The following CACNA1B variants were observed in gnomAD, a reference collection of about 807,000 sequenced individuals.
CACNA1B encodes the protein calcium voltage-gated channel subunit alpha1 B.
CACNA1B carries 70 observed loss-of-function variants against 247.2 expected under a neutral mutation model. The observed-to-expected ratio is 0.28, with a 90% CI of 0.23 to 0.35. CACNA1B has a LOEUF of 0.35. Among genes scored for constraint, CACNA1B ranks in the 10% least tolerant of loss-of-function variants. The pLI is 1.00. For synonymous variants in CACNA1B, 1,231 were observed against 1,294.4 expected (o/e 0.95, Z 1.05); for missense variants, 2,367 against 3,197.4 (o/e 0.74, Z 6.26).
intron 35 of CACNA1B, among the ~76,000 whole-genome samples, chr9:138,077,224 C>G (rs936250): frequency 0.25 from 37,615 of 152,120 alleles, 4,928 homozygotes; most frequent in East Asian, 0.46. Context: ...CCTGGGGCTG[C>G]GCACACAGAC....
intron 20 of CACNA1B, among the ~76,000 whole-genome samples, chr9:138,036,355 G>A (rs576748190): frequency 6.6e-6 from 1 of 152,216 alleles, no homozygotes; most frequent in Admixed American, 6.5e-5. Context: ...TAGCCAAGAT[G>A]GTCTCGATCT....
chr9:138,004,316 G>T (rs537706775), intron 15 of CACNA1B, among the ~76,000 whole-genome samples: 22 of 152,172 alleles, frequency 1.4e-4, no homozygotes, highest in South Asian at 6.2e-4. Context: ...GGAGGCTGAG[G>T]GGGGGCTGAT....
chr9:138,043,968 C>T (rs1959164919), intron 21 of CACNA1B, 68 bp downstream of exon 21: 1 of 1,569,690 alleles, frequency 6.4e-7, no homozygotes, highest in East Asian at 2.3e-5. Context: ...CGTGGGATCT[C>T]AGTAGCCAGC....
intron 12 of CACNA1B, among the ~76,000 whole-genome samples, chr9:137,982,552 A>G (rs1365675002): frequency 6.6e-6 from 1 of 152,246 alleles, no homozygotes; most frequent in East Asian, 1.9e-4. Flanking sequence ...ACTGGGTGGT[A>G]GGGATTACTG....
intron 3 of CACNA1B, among the ~76,000 whole-genome samples, chr9:137,897,984 T>C (rs1957191646): frequency 6.6e-6 from 1 of 152,238 alleles, no homozygotes. Context: ...TAAATTTCTT[T>C]AATTATTCTT....
rs1962094594 is a variant in CACNA1B at position 138,121,435 on chromosome 9, T to TTA, written c.6490-34_6490-33insTA. The TTA allele has an allele frequency of 4.8e-6, 6 of 1,249,662 alleles. No individual in the cohort carries two copies. The highest frequency in any genetic ancestry group is 1.8e-5 in the South Asian group (1 of 54,118). The allele number at this position is 1,249,662 out of a possible 1,614,324, so 77.4% of individuals were successfully genotyped here. A position where few individuals can be genotyped will look rare whatever the true frequency, so the allele number is the denominator to read the frequency against. Reference sequence around the variant, plus strand: ...GGTTCGGCTTTTTTTTTTTTTTTTTTACCTCTGATTTGTTCTGGTCCATTT... The same window carrying TTA: ...GGTTCGGCTTTTTTTTTTTTTTTTTTTAACCTCTGATTTGTTCTGGTCCATTT... On this transcript the variant is annotated intron_variant, in intron 46 of 46. Transcript: ENST00000371372. This position sits in a 1 kb window ranked among gnomAD's most constrained non-coding sequence, Gnocchi z 6.8.
chr9:138,084,718 G>A (rs569311466), intron 36 of CACNA1B, among the ~76,000 whole-genome samples: 4 of 151,240 alleles, frequency 2.6e-5, no homozygotes, highest in South Asian at 4.2e-4. Flanking sequence ...TTGGGAGGCC[G>A]AGGAGGGTGG....
At chr9:137,944,076 G>C (rs59338143) in intron 6 of CACNA1B, among the ~76,000 whole-genome samples, 1,649 of 152,154 alleles carry the variant, frequency 0.011, 36 homozygotes, top group African/African-American at 0.037. Context: ...GGTTTCCTTT[G>C]CGTGCTCTTT....
At chr9:138,119,508 G>A (rs1449127020) in intron 44 of CACNA1B, among the ~76,000 whole-genome samples, 1 of 152,200 alleles carries the variant, frequency 6.6e-6, no homozygotes, top group Non-Finnish European at 1.5e-5. Context: ...GGGCTGTGGA[G>A]CTGTGGATCT....
chr9:138,055,415 C>G (rs1191947572), intron 26 of CACNA1B, among the ~76,000 whole-genome samples: 3 of 152,116 alleles, frequency 2.0e-5, no homozygotes, highest in South Asian at 2.1e-4. Context: ...CAGGTGTGAG[C>G]CACTGTACCC....
In CACNA1B at chr9:137,913,194, C is replaced by T. The variant is rs199717108; in HGVS notation, c.545C>T (p.Ala182Val). 5.0e-6 allele frequency: 8 copies of T among 1,613,774 alleles called. No individual in the cohort carries two copies. The highest frequency in any genetic ancestry group is 6.8e-6 in the Non-Finnish European group (8 of 1,179,818). The change falls in exon 4 of 47, where the codon GCT becomes GTT. Residue 182 changes from alanine to valine, a missense_variant. This residue lies in a region of CACNA1B where 130 missense variants were observed against 338.7 expected (regional missense o/e 0.38). Transcript: ENST00000371372. The surrounding 1 kb of genome is among the most constrained non-coding windows in gnomAD (Gnocchi z 5.2). ...VVVLTGILAT[A>V]GTDFDLRTLR... ...GTTTCTGCCAGGATCCTTGCCACGG[C>T]TGGAACTGACTTCGACCTGCGAACA...
At chr9:138,043,473 C>G (rs745863414) in intron 20 of CACNA1B, among the ~76,000 whole-genome samples, 3 of 152,092 alleles carry the variant, frequency 2.0e-5, no homozygotes, top group African/African-American at 7.2e-5. Flanking sequence ...CTCAGCGCAT[C>G]GAGGCCCCTC....
In CACNA1B at chr9:138,073,959, G is replaced by C; in HGVS notation, c.4792-42G>C. ...CCGTAGCAGGAGGCCTGGGCGTGGTGGCTGGGAGGTGCCTGTAGCTGACCG... is the reference window on the plus strand; with the variant it reads ...CCGTAGCAGGAGGCCTGGGCGTGGTCGCTGGGAGGTGCCTGTAGCTGACCG... On this transcript the variant is annotated intron_variant, in intron 33 of 46. Coordinates refer to ENST00000371372, the MANE Select transcript of CACNA1B (RefSeq NM_000718.4). This position sits in a 1 kb window ranked among gnomAD's most constrained non-coding sequence, Gnocchi z 6.4. 1 of 1,555,294 alleles carries C rather than the reference G, an allele frequency of 6.4e-7. No individual in the cohort carries two copies.
At position 138,121,210 on chromosome 9, in the gene CACNA1B, T is replaced by C. The variant is rs1258627536; in HGVS notation, c.6490-259T>C. Among the ~76,000 whole-genome samples, 1 of 152,114 alleles carries C rather than the reference T, an allele frequency of 6.6e-6. No homozygotes were observed. Among genetic ancestry groups the C allele is most frequent in the Non-Finnish European group, 1.5e-5 (1 of 68,012 alleles). ...GACTGTGGTCGTTGGGCTTTTGTTCTGTCCTTTTCCCTGGCCCCAGCCTGT... is the reference window on the plus strand; with the variant it reads ...GACTGTGGTCGTTGGGCTTTTGTTCCGTCCTTTTCCCTGGCCCCAGCCTGT... On this transcript the variant is annotated intron_variant, in intron 46 of 46. Coordinates refer to ENST00000371372, the MANE Select transcript of CACNA1B (RefSeq NM_000718.4). This position sits in a 1 kb window ranked among gnomAD's most constrained non-coding sequence, Gnocchi z 6.8.
In CACNA1B at chr9:138,100,993, C is replaced by T; in HGVS notation, c.5223-1718C>T. 4.6e-6 allele frequency: 2 copies of T among 436,140 alleles called. No homozygotes were observed. The highest frequency in any genetic ancestry group is 4.8e-6 in the Non-Finnish European group (1 of 210,402). The allele number at this position is 436,140 out of a possible 1,614,324, so 27.0% of individuals were successfully genotyped here. On this transcript the variant is annotated intron_variant, in intron 37 of 46. Coordinates refer to ENST00000371372, the MANE Select transcript of CACNA1B (RefSeq NM_000718.4). The surrounding 1 kb of genome is among the most constrained non-coding windows in gnomAD (Gnocchi z 4.6). Reference sequence around the variant, plus strand: ...GCCACCTGTCCAGTGCACCCCTCACCTCCGCCGCCACGCCTGCGCGAGGTC... The same window carrying T: ...GCCACCTGTCCAGTGCACCCCTCACTTCCGCCGCCACGCCTGCGCGAGGTC...
rs763315639 is a variant in CACNA1B, at chr9:138,120,281, G to GCAC, written c.6161_6163dup (p.His2054dup). 59 of 1,580,526 alleles carry GCAC rather than the reference G, an allele frequency of 3.7e-5. 1 individual carries two copies. The highest frequency in any genetic ancestry group is 2.7e-4 in the African/African-American group (20 of 74,042). ...GCCCACCCCCTAGCCAGGCGTCGTCGCACCACCACCACCACCGCTGCCACC... is the reference window on the plus strand; with the variant it reads ...GCCCACCCCCTAGCCAGGCGTCGTCGCACCACCACCACCACCACCGCTGCCACC... On this transcript the variant is annotated inframe_insertion, in exon 45 of 47. Coordinates refer to ENST00000371372, the MANE Select transcript of CACNA1B (RefSeq NM_000718.4).
At chr9:137,893,734 G>A (rs1028851797) in intron 3 of CACNA1B, among the ~76,000 whole-genome samples, 2 of 152,166 alleles carry the variant, frequency 1.3e-5, no homozygotes, top group Non-Finnish European at 2.9e-5. Flanking sequence ...ATAGGCAGTT[G>A]TAATAAATGG....
chr9:137,918,256 G>A (rs189461329), intron 6 of CACNA1B, among the ~76,000 whole-genome samples: 4 of 152,096 alleles, frequency 2.6e-5, no homozygotes, highest in Non-Finnish European at 4.4e-5. Flanking sequence ...GCCTCTGCCT[G>A]GGTCCCTTCT....
Position 137,954,638 on chromosome 9 carries a change from C to A in CACNA1B, c.1071-1060C>A, listed in dbSNP as rs1334512815. ...TCTGGGTGGGGAGGCCACAGTGGAC[C>A]CTGCCTTCCTGTAGATTTGGGACTT... On this transcript the variant is annotated intron_variant, in intron 7 of 46. Coordinates refer to ENST00000371372, the MANE Select transcript of CACNA1B (RefSeq NM_000718.4). The surrounding 1 kb of genome is among the most constrained non-coding windows in gnomAD (Gnocchi z 4.1). 6.6e-6 allele frequency among the ~76,000 whole-genome samples: 1 copy of A among 152,090 alleles called. No homozygotes were observed. The highest frequency in any genetic ancestry group is 1.5e-5 in the Non-Finnish European group (1 of 68,002).
Sources: gnomAD v4.1 joint callset for allele counts (sites outside exome capture counted in the v4.1 genomes callset) on GRCh38, gnomAD v4.1.1 for gene constraint, gnomAD v4.1.1 regional missense constraint, Gnocchi (gnomAD v3.1) non-coding constraint, MANE v1.5 for transcripts, NCBI Gene and HGNC (gene_info 2026-07-23, HGNC 2026-07-21) for gene names.